Variants in LDB2 observed in about 807,000 individuals in gnomAD.
The protein encoded by LDB2 is LIM domain binding 2.
LDB2 carries 12 observed loss-of-function variants against 44.3 expected under a neutral mutation model. The ratio of observed to expected loss-of-function variants is 0.27; its 90% confidence interval spans 0.17 to 0.44. The LOEUF is 0.44. LDB2 is among the 20% of genes least tolerant of loss of function. LDB2 has a pLI of 1.00. For synonymous variants in LDB2, 164 were observed against 174.8 expected (o/e 0.94, Z 0.49); for missense variants, 344 against 473.5 (o/e 0.73, Z 2.54).
intron 2 of LDB2, among the ~76,000 whole-genome samples, chr4:16,603,950 C>G (rs1723247272): frequency 6.6e-6 from 1 of 152,164 alleles, no homozygotes; most frequent in Admixed American, 6.5e-5. Context: ...CTCACTGTAA[C>G]CTCAAACTCC....
At chr4:16,798,034 C>CAA (rs1561265445) in intron 1 of LDB2, among the ~76,000 whole-genome samples, 6 of 99,168 alleles carry the variant, frequency 6.1e-5, no homozygotes, top group African/African-American at 2.7e-4. Context: ...GACTCTGTCT[C>CAA]GAAAAAAAAA....
chr4:16,776,813 A>T (rs931775978), intron 1 of LDB2, among the ~76,000 whole-genome samples: 1 of 152,210 alleles, frequency 6.6e-6, no homozygotes, highest in Non-Finnish European at 1.5e-5. Flanking sequence ...TTTACATGGG[A>T]TAACCACAGA....
At chr4:16,771,223 T>G (rs1770587733) in intron 1 of LDB2, among the ~76,000 whole-genome samples, 1 of 152,092 alleles carries the variant, frequency 6.6e-6, no homozygotes. Context: ...CTCAAGATTT[T>G]CTCTCTTCCT....
chr4:16,575,506 C>A (rs141575168), intron 5 of LDB2, among the ~76,000 whole-genome samples: 1 of 152,154 alleles, frequency 6.6e-6, no homozygotes, highest in African/African-American at 2.4e-5. Flanking sequence ...AATGCACATT[C>A]TTTTCCTTGG....
At chr4:16,594,886 T>A (rs1720351538) in intron 3 of LDB2, among the ~76,000 whole-genome samples, 1 of 152,238 alleles carries the variant, frequency 6.6e-6, no homozygotes, top group African/African-American at 2.4e-5. Context: ...TTCATTAAAA[T>A]AAACTTCTGT....
intron 5 of LDB2, among the ~76,000 whole-genome samples, chr4:16,554,992 A>C (rs1739010149): frequency 6.6e-6 from 1 of 152,196 alleles, no homozygotes; most frequent in Non-Finnish European, 1.5e-5. Flanking sequence ...GGATGCTGAT[A>C]GGGAGAGAGG....
At chr4:16,762,043 T>C (rs977059908) in intron 1 of LDB2, among the ~76,000 whole-genome samples, 1 of 151,750 alleles carries the variant, frequency 6.6e-6, no homozygotes. Context: ...AATAGAAAAA[T>C]TGGCCAGCCA....
At chr4:16,748,103 T>C (rs1579299320) in intron 2 of LDB2, among the ~76,000 whole-genome samples, 3 of 152,318 alleles carry the variant, frequency 2.0e-5, no homozygotes, top group African/African-American at 4.8e-5. Flanking sequence ...GGTGCTGTGC[T>C]TCATTAAATG....
At chr4:16,804,176 G>C (rs1778357572) in intron 1 of LDB2, among the ~76,000 whole-genome samples, 1 of 152,132 alleles carries the variant, frequency 6.6e-6, no homozygotes, top group Admixed American at 6.5e-5. Context: ...GGAGTGCAGT[G>C]GCACAATCAT....
chr4:16,590,831 G>A (rs188278928), intron 3 of LDB2, among the ~76,000 whole-genome samples: 177 of 152,332 alleles, frequency 1.2e-3, no homozygotes, highest in Middle Eastern at 3.4e-3. Flanking sequence ...TCTCAGCCAT[G>A]AGAGTTGAGC....
intron 1 of LDB2, among the ~76,000 whole-genome samples, chr4:16,777,770 CA>C (rs1772268622): frequency 6.6e-6 from 1 of 152,116 alleles, no homozygotes; most frequent in East Asian, 1.9e-4. Context: ...TTGTCAAGAT[CA>C]AATGAGATCA....
intron 3 of LDB2, among the ~76,000 whole-genome samples, chr4:16,593,603 A>G (rs1352206872): frequency 6.6e-6 from 1 of 152,216 alleles, no homozygotes; most frequent in African/African-American, 2.4e-5. Context: ...CCAGAAAGTG[A>G]TATTTTTCAT....
chr4:16,609,503 C>T (rs1436379027), intron 2 of LDB2, among the ~76,000 whole-genome samples: 2 of 152,200 alleles, frequency 1.3e-5, no homozygotes, highest in Non-Finnish European at 2.9e-5. Context: ...CCAGGCTGTG[C>T]TTTTCCCCTG....
At chr4:16,684,581 G>A (rs1034183694) in intron 2 of LDB2, among the ~76,000 whole-genome samples, 20 of 152,178 alleles carry the variant, frequency 1.3e-4, no homozygotes, top group Non-Finnish European at 8.8e-5. Flanking sequence ...CTTTGAAAAG[G>A]TGGTGTGTTA....
chr4:16,847,697 A>G (rs139289531), intron 1 of LDB2, among the ~76,000 whole-genome samples: 2,542 of 152,250 alleles, frequency 0.017, 79 homozygotes, highest in African/African-American at 0.058. Flanking sequence ...GCTCATTGCA[A>G]GCTCCGCCTC....
intron 5 of LDB2, among the ~76,000 whole-genome samples, chr4:16,567,525 G>C (rs1416352376): frequency 6.6e-6 from 1 of 152,130 alleles, no homozygotes; most frequent in Non-Finnish European, 1.5e-5. Flanking sequence ...GGAACTGAGT[G>C]TTTGGGAGGC....
intron 1 of LDB2, among the ~76,000 whole-genome samples, chr4:16,860,768 A>T (rs1712264050): frequency 6.6e-6 from 1 of 152,230 alleles, no homozygotes; most frequent in African/African-American, 2.4e-5. Flanking sequence ...ATTGGCAGTG[A>T]TCCACATTTG....
At chr4:16,855,024 C>T (rs1251693263) in intron 1 of LDB2, among the ~76,000 whole-genome samples, 1 of 151,774 alleles carries the variant, frequency 6.6e-6, no homozygotes, top group East Asian at 1.9e-4. Flanking sequence ...AAAAAATGGG[C>T]AAAAAATATG....
At chr4:16,560,593 A>G (rs1741744623) in intron 5 of LDB2, among the ~76,000 whole-genome samples, 1 of 152,210 alleles carries the variant, frequency 6.6e-6, no homozygotes. Context: ...CCAACCAAAA[A>G]GAGTCCAGGA....
Sources: allele counts gnomAD v4.1 joint callset (sites outside exome capture counted in the v4.1 genomes callset), GRCh38; gene constraint gnomAD v4.1.1; transcripts MANE v1.5; gene names NCBI Gene and HGNC (gene_info 2026-07-23, HGNC 2026-07-21).